The following TAOK1 variants were observed in gnomAD, a reference collection of about 807,000 sequenced individuals.
The protein encoded by TAOK1 is TAO kinase 1, also known as serine/threonine-protein kinase TAO1.
Under a neutral mutation model 138.3 loss-of-function variants are expected in TAOK1, and 21 were observed. That is an observed-to-expected ratio of 0.15 (90% CI 0.11 to 0.22). The LOEUF (loss-of-function observed/expected upper bound fraction) is 0.22, where lower values mean the gene tolerates loss of function less well. Ranked by LOEUF, TAOK1 falls within the 10% of genes least tolerant of loss-of-function variation. The pLI, the probability that TAOK1 is intolerant of heterozygous loss-of-function variation, is 1.00. For synonymous variants in TAOK1, 361 were observed against 398.4 expected (o/e 0.91, Z 1.12); for missense variants, 651 against 1,227.7 (o/e 0.53, Z 7.02).
At chr17:29,408,618 T>A (rs927770926) in intron 1 of TAOK1, among the ~76,000 whole-genome samples, 4 of 151,446 alleles carry the variant, frequency 2.6e-5, no homozygotes, top group African/African-American at 9.8e-5. Flanking sequence ...ACTTTAATAA[T>A]AGAGTAATTT....
chr17:29,495,340 A>T (rs943289012), intron 10 of TAOK1, among the ~76,000 whole-genome samples: 1 of 152,212 alleles, frequency 6.6e-6, no homozygotes, highest in African/African-American at 2.4e-5. Context: ...TAGTTGGCCA[A>T]CAAAAATATT....
At chr17:29,480,213 TATTA>T (rs1161899452) in intron 6 of TAOK1, 151 bp from the exon 7 acceptor site, 1 of 425,886 alleles carries the variant, frequency 2.3e-6, no homozygotes, top group African/African-American at 2.0e-5. Flanking sequence ...CTAATTTGAA[TATTA>T]ATTCTCCTTA....
In TAOK1 at chr17:29,451,487, A is replaced by G; in HGVS notation, c.-62A>G. 1 of 1,517,024 alleles carries G rather than the reference A, an allele frequency of 6.6e-7. No homozygotes were observed. Among genetic ancestry groups the G allele is most frequent in the Non-Finnish European group, 8.8e-7 (1 of 1,134,592 alleles). 94.0% of individuals were successfully genotyped at this position (1,517,024 alleles called of 1,614,324 possible). On this transcript the variant is annotated 5_prime_UTR_variant, in exon 2 of 20. It removes an upstream start codon present in the reference 5' UTR. Coordinates refer to ENST00000261716, the MANE Select transcript of TAOK1 (RefSeq NM_020791.4). ...TGCCAACGTGACTTCATTCATACAGATGAACCAAGGATCGGGATAGCAGTA... is the reference window on the plus strand; with the variant it reads ...TGCCAACGTGACTTCATTCATACAGGTGAACCAAGGATCGGGATAGCAGTA...
chr17:29,543,325 A>G lies in TAOK1; in HGVS notation c.*303A>G, dbSNP rs1259317168. The stretch of plus-strand genomic sequence containing the variant: ...TACACATATATTATGCATGTGGTGA[A>G]AAGAATTGGCTAGATAGGGGATTTT... On this transcript the variant is annotated 3_prime_UTR_variant, in exon 20 of 20. Transcript: ENST00000261716. 1 of 179,064 alleles carries G rather than the reference A, an allele frequency of 5.6e-6. No homozygotes were observed. The highest frequency in any genetic ancestry group is 1.2e-5 in the Non-Finnish European group (1 of 85,354). 11.1% of individuals were successfully genotyped at this position (179,064 alleles called of 1,614,324 possible). A position where few individuals can be genotyped will look rare whatever the true frequency, so the allele number is the denominator to read the frequency against.
intron 16 of TAOK1, among the ~76,000 whole-genome samples, chr17:29,521,367 A>T (rs1198708178): frequency 6.6e-6 from 1 of 152,220 alleles, no homozygotes; most frequent in Non-Finnish European, 1.5e-5. Flanking sequence ...TAAAGGAATG[A>T]CATTTGTTGA....
intron 3 of TAOK1, among the ~76,000 whole-genome samples, chr17:29,471,431 C>A (rs1347635713): frequency 6.6e-6 from 1 of 150,814 alleles, no homozygotes; most frequent in Non-Finnish European, 1.5e-5. Context: ...GTGCCCGCTA[C>A]CACGCCTGGC....
chr17:29,519,100 G>C (rs559801614), intron 16 of TAOK1, among the ~76,000 whole-genome samples: 89 of 152,228 alleles, frequency 5.8e-4, no homozygotes, highest in African/African-American at 2.0e-3. Flanking sequence ...TCACTGGGCA[G>C]TTTTTGCCTC....
intron 1 of TAOK1, among the ~76,000 whole-genome samples, chr17:29,398,620 C>T (rs1249667311): frequency 6.6e-6 from 1 of 152,044 alleles, no homozygotes; most frequent in Non-Finnish European, 1.5e-5. Flanking sequence ...ACCTCAGCCT[C>T]CCAGGTTCAA....
At chr17:29,467,245 T>C (rs774540612) in intron 3 of TAOK1, 29 bp downstream of exon 3, 1 of 1,395,924 alleles carries the variant, frequency 7.2e-7, no homozygotes, top group Non-Finnish European at 9.9e-7. Context: ...TTCTTGTTTT[T>C]TTCTTATATT....
rs868715061 is a variant in TAOK1, at chr17:29,496,318, G to A, written c.999+591G>A. 3.3e-5 allele frequency among the ~76,000 whole-genome samples: 5 copies of A among 151,630 alleles called. 1 individual carries two copies. The South Asian group carries it at 6.2e-4, about 19-fold the overall frequency. ...TTTTTAGTAGAGACGGGGTTTCACCGCATTGGCCAGGCTGGTCTTGAACTC... is the reference window on the plus strand; with the variant it reads ...TTTTTAGTAGAGACGGGGTTTCACCACATTGGCCAGGCTGGTCTTGAACTC... On this transcript the variant is annotated intron_variant, in intron 11 of 19. Transcript: ENST00000261716.
At chr17:29,526,132 G>A (rs532577372) in intron 17 of TAOK1, among the ~76,000 whole-genome samples, 16 of 151,576 alleles carry the variant, frequency 1.1e-4, no homozygotes, top group East Asian at 7.8e-4. Flanking sequence ...AAAATTAGCC[G>A]GGTGTGGTGG....
intron 2 of TAOK1, among the ~76,000 whole-genome samples, chr17:29,455,726 T>A (rs1688084078): frequency 1.2e-5 from 1 of 84,930 alleles, no homozygotes; most frequent in Non-Finnish European, 2.0e-5. Context: ...AGCTGGATCA[T>A]GTGTTTTTTT....
chr17:29,532,316 C>A (rs1405641157), intron 18 of TAOK1, among the ~76,000 whole-genome samples: 1 of 150,424 alleles, frequency 6.6e-6, no homozygotes, highest in Non-Finnish European at 1.5e-5. Flanking sequence ...ATTCAGAGAT[C>A]TAATGAGATT....
At chr17:29,517,160 T>C (rs2031833115) in intron 15 of TAOK1, among the ~76,000 whole-genome samples, 1 of 151,996 alleles carries the variant, frequency 6.6e-6, no homozygotes, top group Non-Finnish European at 1.5e-5. Flanking sequence ...CTAATTTTTT[T>C]TGTATTTTTA....
intron 16 of TAOK1, 100 bp from the exon 17 acceptor site, chr17:29,522,180 G>T: frequency 6.9e-7 from 1 of 1,440,684 alleles, no homozygotes. Flanking sequence ...TGAATAACAG[G>T]GTTAATTACA....
chr17:29,519,280 G>T (rs1190384189), intron 16 of TAOK1, among the ~76,000 whole-genome samples: 1 of 152,098 alleles, frequency 6.6e-6, no homozygotes, highest in Non-Finnish European at 1.5e-5. Flanking sequence ...GGAGGCCAAG[G>T]CAGGTGGATC....
At chr17:29,471,492 T>C (rs1350396006) in intron 3 of TAOK1, among the ~76,000 whole-genome samples, 1 of 151,838 alleles carries the variant, frequency 6.6e-6, no homozygotes. Context: ...TTGGCCAGGA[T>C]GGTCTCGATC....
chr17:29,539,031 C>T (rs75654234), intron 19 of TAOK1, among the ~76,000 whole-genome samples: 1,636 of 152,096 alleles, frequency 0.011, 35 homozygotes, highest in African/African-American at 0.037. Context: ...CCGAGTGGGG[C>T]GGATCACTTG....
At chr17:29,509,265 G>A (rs2031677311) in intron 14 of TAOK1, among the ~76,000 whole-genome samples, 1 of 152,112 alleles carries the variant, frequency 6.6e-6, no homozygotes, top group South Asian at 2.1e-4. Context: ...TGCTCTCCAA[G>A]TTCAAACAAT....
Sources: allele counts gnomAD v4.1 joint callset (sites outside exome capture counted in the v4.1 genomes callset), GRCh38; gene constraint gnomAD v4.1.1; transcripts MANE v1.5; gene names NCBI Gene and HGNC (gene_info 2026-07-23, HGNC 2026-07-21).